The following MEMO1 variants were observed in gnomAD, a reference collection of about 807,000 sequenced individuals.
MEMO1 encodes protein MEMO1.
A neutral mutation model predicts 45.2 loss-of-function variants in MEMO1; 6 were observed. That is an observed-to-expected ratio of 0.13 (90% CI 0.07 to 0.26). The LOEUF is 0.26. MEMO1 is among the 10% of genes least tolerant of loss of function. The pLI is 1.00. For missense variants in MEMO1, 184 were observed against 370.5 expected (o/e 0.50, Z 4.13); for synonymous variants, 78 against 124.3 (o/e 0.63, Z 2.48).
chr2:31,957,433 A>G (rs1667536080), intron 2 of MEMO1, among the ~76,000 whole-genome samples: 1 of 152,234 alleles, frequency 6.6e-6, no homozygotes, highest in East Asian at 1.9e-4. Flanking sequence ...GATAATAGCT[A>G]CATTAACAAT....
intron 8 of MEMO1, among the ~76,000 whole-genome samples, chr2:31,875,888 T>C (rs1376262419): frequency 6.6e-6 from 1 of 152,080 alleles, no homozygotes; most frequent in African/African-American, 2.4e-5. Flanking sequence ...GGTTTCGTCA[T>C]GTTGGCTAGG....
chr2:31,903,956 A>G (rs914625382), intron 6 of MEMO1, among the ~76,000 whole-genome samples: 7 of 152,320 alleles, frequency 4.6e-5, no homozygotes, highest in African/African-American at 1.4e-4. Context: ...AAGCACATCT[A>G]CTTTTCTCTA....
At chr2:31,969,878 G>C (rs1329233837) in intron 2 of MEMO1, among the ~76,000 whole-genome samples, 1 of 151,794 alleles carries the variant, frequency 6.6e-6, no homozygotes, top group East Asian at 1.9e-4. Context: ...TTATAGGCGT[G>C]AGCCACTGTG....
intron 7 of MEMO1, among the ~76,000 whole-genome samples, chr2:31,886,276 A>G (rs1454024608): frequency 1.3e-5 from 2 of 152,222 alleles, no homozygotes; most frequent in Admixed American, 6.5e-5. Context: ...AAATCGTCTC[A>G]TGGTAATTTT....
At chr2:31,907,603 T>C (rs1028349746) in intron 6 of MEMO1, among the ~76,000 whole-genome samples, 2 of 152,068 alleles carry the variant, frequency 1.3e-5, no homozygotes, top group Non-Finnish European at 2.9e-5. Context: ...AAGATCAGCC[T>C]GGGCAACATG....
chr2:31,876,026 G>A (rs1262241822), intron 8 of MEMO1, among the ~76,000 whole-genome samples: 1 of 151,994 alleles, frequency 6.6e-6, no homozygotes, highest in Non-Finnish European at 1.5e-5. Context: ...TAATCCATTT[G>A]CCACACAACT....
intron 2 of MEMO1, among the ~76,000 whole-genome samples, chr2:31,986,856 G>A (rs528237554): frequency 1.3e-5 from 2 of 152,274 alleles, no homozygotes; most frequent in East Asian, 1.9e-4. Flanking sequence ...CTTTAAGTAC[G>A]CGACAACTAA....
intron 7 of MEMO1, among the ~76,000 whole-genome samples, chr2:31,890,230 A>G (rs925118871): frequency 6.6e-6 from 1 of 152,150 alleles, no homozygotes; most frequent in Non-Finnish European, 1.5e-5. Flanking sequence ...ACCTAGAGAG[A>G]AAGCCCAGGT....
At chr2:31,936,497 TC>T (rs1231118535) in intron 3 of MEMO1, among the ~76,000 whole-genome samples, 1 of 152,194 alleles carries the variant, frequency 6.6e-6, no homozygotes, top group Non-Finnish European at 1.5e-5. Flanking sequence ...ACCCTTTACG[TC>T]GGCAAGTCTA....
At chr2:31,884,077 T>C (rs1396778598) in intron 7 of MEMO1, among the ~76,000 whole-genome samples, 3 of 151,926 alleles carry the variant, frequency 2.0e-5, no homozygotes, top group Non-Finnish European at 4.4e-5. Context: ...ATAATAAATA[T>C]TCCTACCCTG....
chr2:31,991,150 T>A (rs1671894377), intron 2 of MEMO1, among the ~76,000 whole-genome samples: 1 of 152,144 alleles, frequency 6.6e-6, no homozygotes, highest in Non-Finnish European at 1.5e-5. Context: ...TGTTTATATA[T>A]GCATAAACAA....
At chr2:31,957,410 T>C (rs1037979796) in intron 2 of MEMO1, among the ~76,000 whole-genome samples, 1 of 152,174 alleles carries the variant, frequency 6.6e-6, no homozygotes, top group African/African-American at 2.4e-5. Flanking sequence ...AAACAAATCA[T>C]TGTTGAACCT....
intron 6 of MEMO1, among the ~76,000 whole-genome samples, chr2:31,915,316 G>A (rs1195852039): frequency 6.6e-6 from 1 of 152,170 alleles, no homozygotes; most frequent in Non-Finnish European, 1.5e-5. Flanking sequence ...TCCACCAGAG[G>A]AAGAACTGTA....
At chr2:31,901,979 A>C (rs1189918671) in intron 6 of MEMO1, among the ~76,000 whole-genome samples, 2 of 151,474 alleles carry the variant, frequency 1.3e-5, no homozygotes, top group Non-Finnish European at 2.9e-5. Flanking sequence ...CTAAAAAAAA[A>C]CATTGAGTTG....
At chr2:31,893,287 C>T in intron 6 of MEMO1, 3 of 1,163,280 alleles carry the variant, frequency 2.6e-6, no homozygotes, top group Non-Finnish European at 3.3e-6. Context: ...TCCAGTCCCT[C>T]TGCAATGCAG....
chr2:31,989,494 AACTG>A (rs554500488), intron 2 of MEMO1, among the ~76,000 whole-genome samples: 97 of 152,334 alleles, frequency 6.4e-4, no homozygotes, highest in South Asian at 6.0e-3. Context: ...AATATTTTCC[AACTG>A]ACTAATGCAT....
intron 2 of MEMO1, among the ~76,000 whole-genome samples, chr2:31,971,787 T>C (rs1461742708): frequency 6.6e-6 from 1 of 152,082 alleles, no homozygotes; most frequent in Non-Finnish European, 1.5e-5. Context: ...CTGGCCAACA[T>C]AGTGAAACTC....
chr2:31,967,817 T>C (rs936993277), intron 2 of MEMO1, among the ~76,000 whole-genome samples: 2 of 152,160 alleles, frequency 1.3e-5, no homozygotes, highest in African/African-American at 2.4e-5. Flanking sequence ...GTGGGAGGTT[T>C]TTTCCCCACT....
chr2:31,888,768 A>G (rs1676531457), intron 7 of MEMO1, among the ~76,000 whole-genome samples: 1 of 152,084 alleles, frequency 6.6e-6, no homozygotes, highest in African/African-American at 2.4e-5. Flanking sequence ...ATGCAATAAA[A>G]GGCAGGAACT....
Sources: gnomAD v4.1 joint callset for allele counts (sites outside exome capture counted in the v4.1 genomes callset) on GRCh38, gnomAD v4.1.1 for gene constraint, MANE v1.5 for transcripts, NCBI Gene and HGNC (gene_info 2026-07-23, HGNC 2026-07-21) for gene names.